Variants in MYL10 observed in about 807,000 individuals in gnomAD.
MYL10 encodes myosin light chain 10.
MYL10 carries 18 observed loss-of-function variants against 21.9 expected under a neutral mutation model. That is an observed-to-expected ratio of 0.82 (90% CI 0.57 to 1.22). MYL10 has a LOEUF of 1.22. Ranked by LOEUF, MYL10 falls within the 50% of genes most tolerant of loss-of-function variation. MYL10 has a pLI of 0.00. For missense variants in MYL10, 225 were observed against 230.4 expected (o/e 0.98, Z 0.15); for synonymous variants, 88 against 82.8 (o/e 1.06, Z -0.34).
intron 3 of MYL10, 118 bp from the exon 4 acceptor site, chr7:101,623,190 G>GCCCAT: frequency 2.4e-6 from 2 of 828,498 alleles, no homozygotes; most frequent in Non-Finnish European, 3.8e-6. Context: ...CCCTCTGGCA[G>GCCCAT]CCCAGCTGGG....
intron 1 of MYL10, among the ~76,000 whole-genome samples, chr7:101,626,736 A>G (rs1204456358): frequency 6.6e-6 from 1 of 152,034 alleles, no homozygotes; most frequent in Non-Finnish European, 1.5e-5. Context: ...GGCCCTGCCC[A>G]CCTCGTCTCT....
chr7:101,622,481 G>C (rs750070785), intron 4 of MYL10, among the ~76,000 whole-genome samples: 40 of 152,124 alleles, frequency 2.6e-4, no homozygotes, highest in Admixed American at 2.2e-3. Context: ...GGGGCTGCAG[G>C]CTCAGGGTTC....
chr7:101,623,978 G>A lies in MYL10; in HGVS notation c.215C>T (p.Ser72Leu), dbSNP rs1219901206. Reference protein sequence around the residue: ...SPRLERNGMISAHCNLCLTGS... With the variant: ...SPRLERNGMILAHCNLCLTGS... Reference sequence around the variant, plus strand: ...CGTGAGGCAGAGGTTGCAGTGAGCCGAGATCATGCCATTGCGCTCCAGCCT... The same window carrying A: ...CGTGAGGCAGAGGTTGCAGTGAGCCAAGATCATGCCATTGCGCTCCAGCCT... The change falls in exon 3 of 8, where the codon TCG becomes TTG. Residue 72 changes from serine to leucine, a missense_variant. Physicochemically the swap from Ser to Leu is moderately radical, Grantham distance 145. Transcript: ENST00000223167. The A allele has an allele frequency of 1.3e-5, 7 of 534,228 alleles. No individual in the cohort carries two copies. Among genetic ancestry groups the A allele is most frequent in the African/African-American group, 5.9e-5 (3 of 51,164 alleles). 33.1% of individuals were successfully genotyped at this position (534,228 alleles called of 1,614,324 possible).
intron 6 of MYL10, among the ~76,000 whole-genome samples, chr7:101,614,395 C>T (rs1417592879): frequency 6.6e-6 from 1 of 152,232 alleles, no homozygotes; most frequent in Non-Finnish European, 1.5e-5. Flanking sequence ...CTCTCCAAGC[C>T]GGGGACTTTT....
chr7:101,623,283 A>G (rs1445761965), intron 3 of MYL10, among the ~76,000 whole-genome samples: 2 of 152,178 alleles, frequency 1.3e-5, no homozygotes, highest in African/African-American at 4.8e-5. Context: ...AGAGAGAGAA[A>G]AGTCTGGCCC....
chr7:101,616,268 G>C lies in MYL10; in HGVS notation c.485C>G (p.Ala162Gly). The change falls in exon 6 of 8, where the codon GCC becomes GGC. Residue 162 changes from alanine to glycine, a missense_variant. Coordinates refer to ENST00000223167, the MANE Select transcript of MYL10 (RefSeq NM_138403.5). ...CCCTTCAGTGTCGAACACTTTGAAG[G>C]CGTGGAGAATGGTCTCCTCTGGGTC... is the stretch of plus-strand genomic sequence containing the variant. ...GTDPEETILH[A>G]FKVFDTEGKG... 6.2e-7 allele frequency: 1 copy of C among 1,614,168 alleles called. No individual in the cohort carries two copies. The highest frequency in any genetic ancestry group is 1.3e-5 in the African/African-American group (1 of 75,054).
chr7:101,627,924 T>G (rs10278534), intron 1 of MYL10, among the ~76,000 whole-genome samples: 2 of 152,160 alleles, frequency 1.3e-5, no homozygotes, highest in Non-Finnish European at 2.9e-5. Context: ...CCTCTGGAGC[T>G]GTGGGACTCT....
chr7:101,622,041 T>C, intron 5 of MYL10, 55 bp downstream of exon 5: 1 of 1,393,482 alleles, frequency 7.2e-7, no homozygotes, highest in Non-Finnish European at 1.0e-6. Context: ...CCTTCCTACA[T>C]CCGTCCCCCT....
chr7:101,619,815 G>A (rs534994574), intron 5 of MYL10, among the ~76,000 whole-genome samples: 3 of 149,100 alleles, frequency 2.0e-5, no homozygotes, highest in South Asian at 2.1e-4. Flanking sequence ...GCGTGAACCC[G>A]GGAGGCATAG....
At chr7:101,621,657 C>T (rs866331401) in intron 5 of MYL10, among the ~76,000 whole-genome samples, 1 of 151,934 alleles carries the variant, frequency 6.6e-6, no homozygotes, top group Non-Finnish European at 1.5e-5. Flanking sequence ...GGTGCGATCT[C>T]GGCTCACTGC....
intron 1 of MYL10, among the ~76,000 whole-genome samples, chr7:101,625,046 A>C (rs78656774): frequency 6.6e-6 from 1 of 151,954 alleles, no homozygotes; most frequent in Admixed American, 6.6e-5. Flanking sequence ...GGTAAAACCC[A>C]CTTTGCCCCA....
chr7:101,627,655 G>A (rs763482806), intron 1 of MYL10: 11 of 152,670 alleles, frequency 7.2e-5, no homozygotes, highest in African/African-American at 2.2e-4. Flanking sequence ...AGAGTGGATA[G>A]GGTTGGGGGG....
chr7:101,619,408 C>A (rs376292369), intron 5 of MYL10, among the ~76,000 whole-genome samples: 1 of 152,216 alleles, frequency 6.6e-6, no homozygotes, highest in African/African-American at 2.4e-5. Flanking sequence ...TGGGTTTCCT[C>A]ATCTCTCGCA....
chr7:101,622,139 G>T lies in MYL10; in HGVS notation c.411C>A (p.Ile137=), dbSNP rs924913825. 5.0e-6 allele frequency: 8 copies of T among 1,613,900 alleles called. No homozygotes were observed. The African/African-American group carries it at 5.3e-5, about 11-fold the overall frequency. Residue 137 remains isoleucine, a synonymous_variant, in exon 5 of 8, where the codon ATC becomes ATA. Coordinates refer to ENST00000223167, the MANE Select transcript of MYL10 (RefSeq NM_138403.5). ...EAMVKEAPGP[I]NFTVFLTMFG... The stretch of plus-strand genomic sequence containing the variant: ...ACATGGTCAGGAACACCGTGAAGTT[G>T]ATGGGTCCGGGGGCCTCCTTCACCA...
intron 5 of MYL10, 56 bp downstream of exon 5, chr7:101,622,040 A>G: frequency 7.2e-7 from 1 of 1,388,684 alleles, no homozygotes; most frequent in African/African-American, 1.4e-5. Context: ...GCCTTCCTAC[A>G]TCCGTCCCCC....
At chr7:101,623,168 C>T (rs1796701570) in intron 3 of MYL10, 96 bp from the exon 4 acceptor site, 1 of 1,173,222 alleles carries the variant, frequency 8.5e-7, no homozygotes, top group African/African-American at 1.5e-5. Context: ...CCCAAGGAGC[C>T]TCGGGGCAGG....
chr7:101,625,791 A>G lies in MYL10; in HGVS notation c.79-1527T>C, dbSNP rs568656220. On this transcript the variant is annotated intron_variant, in intron 1 of 7. Coordinates refer to ENST00000223167, the MANE Select transcript of MYL10 (RefSeq NM_138403.5). ...AACTTCCCCACAGAGTTCATCCCAC[A>G]TAATTACATATACATTTCCTCCGAT... is the stretch of plus-strand genomic sequence containing the variant. 5.3e-4 allele frequency among the ~76,000 whole-genome samples: 81 copies of G among 152,328 alleles called. 1 individual carries two copies. Among genetic ancestry groups the G allele is most frequent in the Admixed American group, 1.4e-3 (22 of 15,304 alleles).
intron 1 of MYL10, among the ~76,000 whole-genome samples, chr7:101,626,709 C>A (rs1306252001): frequency 6.6e-6 from 1 of 152,158 alleles, no homozygotes; most frequent in East Asian, 1.9e-4. Context: ...AGAGCCACTG[C>A]CCCTGTGAAG....
intron 6 of MYL10, among the ~76,000 whole-genome samples, chr7:101,614,534 C>T (rs1796586471): frequency 6.6e-6 from 1 of 152,208 alleles, no homozygotes; most frequent in African/African-American, 2.4e-5. Flanking sequence ...AAAGGGTCTT[C>T]CCAGCCTTGT....
Sources: allele counts gnomAD v4.1 joint callset (sites outside exome capture counted in the v4.1 genomes callset), GRCh38; gene constraint gnomAD v4.1.1; transcripts MANE v1.5; gene names NCBI Gene and HGNC (gene_info 2026-07-23, HGNC 2026-07-21).